Variants in ADCY5 observed in about 807,000 individuals in gnomAD.
The protein encoded by ADCY5 is adenylate cyclase 5, also known as adenylate cyclase type 5.
A neutral mutation model predicts 119.7 loss-of-function variants in ADCY5; 30 were observed. The observed-to-expected ratio is 0.25, with a 90% confidence interval of 0.19 to 0.34. The LOEUF is 0.34. Among genes scored for constraint, ADCY5 ranks in the 10% least tolerant of loss-of-function variants. ADCY5 has a pLI of 1.00. For missense variants in ADCY5, 1,324 were observed against 1,775.2 expected (o/e 0.75, Z 4.57); for synonymous variants, 753 against 762.2 (o/e 0.99, Z 0.20).
chr3:123,379,328 T>C (rs960542116), intron 1 of ADCY5, among the ~76,000 whole-genome samples: 8 of 151,770 alleles, frequency 5.3e-5, no homozygotes, highest in African/African-American at 1.9e-4. Flanking sequence ...TAGGGGGTGA[T>C]GCTGGTATAG....
In ADCY5 at chr3:123,286,177, G is replaced by A. The variant is rs957547938; in HGVS notation, c.3657+508C>T. ...GGCCGGGAAACCACAAGCCCAGCTC[G>A]CAAAGGAGGGAGCAAGGGGAAAAGG... On this transcript the variant is annotated intron_variant, in intron 20 of 20. Coordinates refer to ENST00000462833, the MANE Select transcript of ADCY5 (RefSeq NM_183357.3). This position sits in a 1 kb window ranked among gnomAD's most constrained non-coding sequence, Gnocchi z 4.2. 3.9e-5 allele frequency among the ~76,000 whole-genome samples: 6 copies of A among 152,174 alleles called. No individual in the cohort carries two copies. The highest frequency in any genetic ancestry group is 1.2e-4 in the African/African-American group (5 of 41,450).
chr3:123,330,790 G>T (rs1941724137), intron 5 of ADCY5, 99 bp downstream of exon 5: 1 of 1,451,646 alleles, frequency 6.9e-7, no homozygotes, highest in African/African-American at 1.4e-5. Flanking sequence ...TCACCCCACT[G>T]TTTCCCTGCC....
chr3:123,395,040 C>T (rs1357284622), intron 1 of ADCY5, among the ~76,000 whole-genome samples: 1 of 152,166 alleles, frequency 6.6e-6, no homozygotes, highest in African/African-American at 2.4e-5. Flanking sequence ...GAAAATGACC[C>T]TTTGGACAGT....
At chr3:123,409,836 CCAA>C (rs1944997150) in intron 1 of ADCY5, among the ~76,000 whole-genome samples, 1 of 152,216 alleles carries the variant, frequency 6.6e-6, no homozygotes, top group South Asian at 2.1e-4. Flanking sequence ...CTCCCACCCT[CCAA>C]GCCCCAGTTG....
intron 1 of ADCY5, among the ~76,000 whole-genome samples, chr3:123,365,588 G>C (rs575861318): frequency 6.6e-6 from 1 of 152,188 alleles, no homozygotes; most frequent in Non-Finnish European, 1.5e-5. Context: ...ATCCACTTAG[G>C]GGAAGTCCGG....
At chr3:123,421,954 G>A (rs529978956) in intron 1 of ADCY5, among the ~76,000 whole-genome samples, 11 of 152,226 alleles carry the variant, frequency 7.2e-5, no homozygotes, top group Admixed American at 1.3e-4. Flanking sequence ...GGCCTTCTCC[G>A]TAAATGTGTG....
Position 123,297,352 on chromosome 3 carries a change from C to T in ADCY5, c.2930+1G>A. 1 of 1,613,920 alleles carries T rather than the reference C, an allele frequency of 6.2e-7. No individual in the cohort carries two copies. Among genetic ancestry groups the T allele is most frequent in the Non-Finnish European group, 8.5e-7 (1 of 1,179,946 alleles). Reference sequence around the variant, plus strand: ...ACCCTATCCGAGGAGCATCAACTCACCACTGGGAGGTCCCGTTGTTGAAGA... The same window carrying T: ...ACCCTATCCGAGGAGCATCAACTCATCACTGGGAGGTCCCGTTGTTGAAGA... On this transcript the variant is annotated splice_donor_variant, in intron 16 of 20. Transcript: ENST00000462833. LOFTEE classifies it high-confidence loss of function.
intron 1 of ADCY5, among the ~76,000 whole-genome samples, chr3:123,412,371 C>T (rs992036848): frequency 6.6e-6 from 1 of 152,162 alleles, no homozygotes; most frequent in East Asian, 1.9e-4. Context: ...GACGTCCCTG[C>T]GGGCTCTCCC....
chr3:123,363,749 G>A (rs751530555), intron 1 of ADCY5, among the ~76,000 whole-genome samples: 11 of 151,934 alleles, frequency 7.2e-5, no homozygotes, highest in Non-Finnish European at 1.6e-4. Context: ...TCTCTACAAA[G>A]AAATAAAAAA....
chr3:123,356,021 C>T (rs1943025299), intron 1 of ADCY5, among the ~76,000 whole-genome samples: 1 of 152,094 alleles, frequency 6.6e-6, no homozygotes, highest in South Asian at 2.1e-4. Flanking sequence ...ATATTTTTGA[C>T]AAGGGTACCA....
At chr3:123,375,893 G>A (rs1471154294) in intron 1 of ADCY5, among the ~76,000 whole-genome samples, 2 of 152,090 alleles carry the variant, frequency 1.3e-5, no homozygotes, top group Non-Finnish European at 2.9e-5. Flanking sequence ...TCTTAGGTAC[G>A]CACTGTGAGG....
intron 1 of ADCY5, among the ~76,000 whole-genome samples, chr3:123,400,295 C>T (rs1874310): frequency 2.6e-5 from 4 of 152,158 alleles, no homozygotes; most frequent in Admixed American, 1.3e-4. Context: ...TGCTTCAAGA[C>T]GCAGCTAGAC....
At position 123,447,898 on chromosome 3, in the gene ADCY5, G is replaced by A. The variant is rs1185728764; in HGVS notation, c.648C>T (p.Phe216=). The change falls in exon 1 of 21, where the codon TTC becomes TTT. Residue 216 remains phenylalanine, a synonymous_variant. Transcript: ENST00000462833. ...GACCLALLQI[F]RSKKFPSDKL... is the part of the protein sequence containing the mutation. ...TGTCCGACGGGAACTTCTTGGAGCGGAATATCTGCAGCAACGCCAGGCAGC... is the reference window on the plus strand; with the variant it reads ...TGTCCGACGGGAACTTCTTGGAGCGAAATATCTGCAGCAACGCCAGGCAGC... 2.5e-6 allele frequency: 4 copies of A among 1,611,442 alleles called. No individual in the cohort carries two copies. In the East Asian group the frequency reaches 8.9e-5, roughly 36 times the overall value.
At position 123,352,350 on chromosome 3, in the gene ADCY5, C is replaced by T; in HGVS notation, c.1284+82G>A. On this transcript the variant is annotated intron_variant, in intron 2 of 20. Transcript: ENST00000462833. The surrounding 1 kb of genome is among the most constrained non-coding windows in gnomAD (Gnocchi z 4.8). ...GGCTGGCAGCCGTAATAAGCACTGC[C>T]CGCCCTAGGCCAGGCACTCAGCTGA... is the stretch of plus-strand genomic sequence containing the variant. 1 of 1,488,742 alleles carries T rather than the reference C, an allele frequency of 6.7e-7. No individual in the cohort carries two copies. The highest frequency in any genetic ancestry group is 1.3e-5 in the South Asian group (1 of 75,094). The allele number at this position is 1,488,742 out of a possible 1,614,324, so 92.2% of individuals were successfully genotyped here.
At chr3:123,381,458 T>C (rs1043433078) in intron 1 of ADCY5, among the ~76,000 whole-genome samples, 2 of 152,192 alleles carry the variant, frequency 1.3e-5, no homozygotes, top group Admixed American at 1.3e-4. Flanking sequence ...AACTCTACAC[T>C]TGCACGACAT....
intron 18 of ADCY5, among the ~76,000 whole-genome samples, chr3:123,290,244 C>G (rs913179551): frequency 1.3e-5 from 2 of 152,198 alleles, no homozygotes; most frequent in Non-Finnish European, 2.9e-5. Context: ...TCTCTTGTCT[C>G]CCCTTCAACA....
At chr3:123,376,987 A>G (rs948955327) in intron 1 of ADCY5, among the ~76,000 whole-genome samples, 10 of 152,014 alleles carry the variant, frequency 6.6e-5, no homozygotes, top group African/African-American at 2.2e-4. Context: ...CAATGAGGAG[A>G]TGTGCCCCAG....
chr3:123,423,012 A>C (rs1431523721), intron 1 of ADCY5, among the ~76,000 whole-genome samples: 3 of 152,128 alleles, frequency 2.0e-5, no homozygotes, highest in African/African-American at 4.8e-5. Flanking sequence ...CAGACAGGAG[A>C]GACTTCCCTG....
At chr3:123,383,168 C>T (rs1294068689) in intron 1 of ADCY5, among the ~76,000 whole-genome samples, 1 of 152,094 alleles carries the variant, frequency 6.6e-6, no homozygotes, top group Non-Finnish European at 1.5e-5. Context: ...GACAGGGACA[C>T]ACACGTAAAC....
Sources: gnomAD v4.1 joint callset for allele counts (sites outside exome capture counted in the v4.1 genomes callset) on GRCh38, gnomAD v4.1.1 for gene constraint, Gnocchi (gnomAD v3.1) non-coding constraint, MANE v1.5 for transcripts, NCBI Gene and HGNC (gene_info 2026-07-23, HGNC 2026-07-21) for gene names.